Variants in EYA3 observed in about 807,000 individuals in gnomAD.
EYA3 encodes protein phosphatase EYA3.
In EYA3, 39 loss-of-function variants were observed where a neutral mutation model predicts 80.0. That is an observed-to-expected ratio of 0.49 (90% CI 0.38 to 0.64). The LOEUF is 0.64. Among genes scored for constraint, EYA3 ranks in the 30% least tolerant of loss-of-function variants. The pLI is 0.00. For synonymous variants in EYA3, 206 were observed against 232.8 expected (o/e 0.88, Z 1.05); for missense variants, 523 against 676.1 (o/e 0.77, Z 2.51).
chr1:27,977,538 A>C (rs533713585), intron 17 of EYA3: 2 of 832,232 alleles, frequency 2.4e-6, no homozygotes, highest in Non-Finnish European at 3.6e-6. Context: ...TCTTTCATCT[A>C]TTGTTTCCTA....
At chr1:28,083,000 C>A (rs1645486440) in intron 1 of EYA3, among the ~76,000 whole-genome samples, 1 of 152,146 alleles carries the variant, frequency 6.6e-6, no homozygotes, top group African/African-American at 2.4e-5. Flanking sequence ...CCTTAAGGTT[C>A]CTAACCAAAA....
intron 6 of EYA3, among the ~76,000 whole-genome samples, chr1:28,032,415 G>T (rs554748717): frequency 2.9e-4 from 44 of 152,096 alleles, no homozygotes; most frequent in African/African-American, 1.0e-3. Context: ...GAGTATGTTG[G>T]TCAGCACATT....
intron 10 of EYA3, among the ~76,000 whole-genome samples, chr1:28,007,220 G>A (rs1034953419): frequency 4.6e-5 from 7 of 151,830 alleles, no homozygotes; most frequent in Non-Finnish European, 5.9e-5. Context: ...GATTAGAGGC[G>A]TGAGCCACTG....
intron 11 of EYA3, among the ~76,000 whole-genome samples, chr1:28,001,436 T>C (rs900082814): frequency 2.7e-5 from 4 of 150,246 alleles, no homozygotes; most frequent in Non-Finnish European, 1.5e-5. Flanking sequence ...AATAATATTA[T>C]GTGTATATGT....
intron 8 of EYA3, among the ~76,000 whole-genome samples, 165 bp downstream of exon 8, chr1:28,016,988 AC>A (rs1642110330): frequency 1.3e-5 from 2 of 152,336 alleles, no homozygotes; most frequent in Admixed American, 6.5e-5. Context: ...CTAGACAGTA[AC>A]CTAAGATGCC....
At chr1:27,978,564 G>A in intron 16 of EYA3, 90 bp from the exon 17 acceptor site, 1 of 1,047,208 alleles carries the variant, frequency 9.5e-7, no homozygotes, top group Admixed American at 1.9e-5. Context: ...ACCTGCCTGT[G>A]CTTAGGTGGA....
chr1:28,019,150 A>AGC (rs1252478854), intron 7 of EYA3, among the ~76,000 whole-genome samples: 1 of 152,292 alleles, frequency 6.6e-6, no homozygotes, highest in Admixed American at 6.5e-5. Context: ...TGGGCGACAG[A>AGC]GTGACTCAGT....
intron 1 of EYA3, among the ~76,000 whole-genome samples, chr1:28,064,058 A>G (rs1644739117): frequency 6.6e-6 from 1 of 152,232 alleles, no homozygotes; most frequent in African/African-American, 2.4e-5. Context: ...AGAAAGCCAA[A>G]TAGTGTCAAC....
At chr1:27,995,200 T>C (rs1057141517) in intron 13 of EYA3, among the ~76,000 whole-genome samples, 27 of 150,168 alleles carry the variant, frequency 1.8e-4, no homozygotes, top group Non-Finnish European at 3.6e-4. Flanking sequence ...GGTCCAGGAG[T>C]TCGAGACCAG....
In EYA3 at chr1:27,973,056, C is replaced by CA. The variant is rs974916978; in HGVS notation, c.*1409dup. 3.9e-5 allele frequency: 6 copies of CA among 152,220 alleles called. No homozygotes were observed. Among genetic ancestry groups the CA allele is most frequent in the African/African-American group, 1.4e-4 (6 of 41,456 alleles). The allele number at this position is 152,220 out of a possible 1,614,324, so 9.4% of individuals were successfully genotyped here. ...AACCTGTCTGTTTCTCCCTTCCCCCCACAATCAGCAAAGTCTTTCTGGTTT... is the reference window on the plus strand; with the variant it reads ...AACCTGTCTGTTTCTCCCTTCCCCCCAACAATCAGCAAAGTCTTTCTGGTTT... On this transcript the variant is annotated 3_prime_UTR_variant, in exon 18 of 18. Coordinates refer to ENST00000373871, the MANE Select transcript of EYA3 (RefSeq NM_001990.4).
intron 6 of EYA3, among the ~76,000 whole-genome samples, chr1:28,029,163 C>T (rs1056888280): frequency 6.6e-6 from 1 of 152,146 alleles, no homozygotes; most frequent in African/African-American, 2.4e-5. Flanking sequence ...TCATAATGCT[C>T]CTGAGTAACA....
intron 17 of EYA3, among the ~76,000 whole-genome samples, chr1:27,976,532 G>T (rs1324173446): frequency 2.6e-5 from 4 of 152,148 alleles, no homozygotes; most frequent in African/African-American, 4.8e-5. Context: ...CTCAGTGGAA[G>T]GGGGAACACC....
chr1:28,082,133 C>A (rs1377474016), intron 1 of EYA3, among the ~76,000 whole-genome samples: 1 of 152,074 alleles, frequency 6.6e-6, no homozygotes, highest in Non-Finnish European at 1.5e-5. Context: ...AAACAGTATA[C>A]TTAATGTCTC....
chr1:28,066,540 C>T (rs910550527), intron 1 of EYA3, among the ~76,000 whole-genome samples: 9 of 151,956 alleles, frequency 5.9e-5, no homozygotes, highest in Non-Finnish European at 1.2e-4. Context: ...TCCACATCAA[C>T]ATATGCTGTA....
intron 1 of EYA3, among the ~76,000 whole-genome samples, chr1:28,070,420 G>C (rs916095677): frequency 2.0e-5 from 3 of 152,044 alleles, no homozygotes; most frequent in African/African-American, 7.2e-5. Flanking sequence ...AAATTAGCCA[G>C]GCGTGGTGGT....
At chr1:28,015,014 T>A (rs996036243) in intron 8 of EYA3, among the ~76,000 whole-genome samples, 2 of 152,216 alleles carry the variant, frequency 1.3e-5, no homozygotes, top group South Asian at 4.1e-4. Flanking sequence ...TATAATTATA[T>A]GTATGTGTGT....
At chr1:28,021,525 C>T (rs1031555776) in intron 7 of EYA3, among the ~76,000 whole-genome samples, 1 of 152,120 alleles carries the variant, frequency 6.6e-6, no homozygotes, top group Non-Finnish European at 1.5e-5. Flanking sequence ...ACCTGACATA[C>T]AGCAGGTGAT....
intron 1 of EYA3, among the ~76,000 whole-genome samples, chr1:28,070,384 A>AC (rs901326230): frequency 6.2e-4 from 94 of 151,770 alleles, no homozygotes; most frequent in African/African-American, 2.1e-3. Context: ...ACATGGTGAA[A>AC]CCCCCCGTCT....
At chr1:28,029,241 T>C (rs1158350375) in intron 6 of EYA3, among the ~76,000 whole-genome samples, 2 of 152,226 alleles carry the variant, frequency 1.3e-5, no homozygotes, top group African/African-American at 4.8e-5. Flanking sequence ...CACATACCTT[T>C]AGATTTTCTC....
Sources: gnomAD v4.1 joint callset for allele counts (sites outside exome capture counted in the v4.1 genomes callset) on GRCh38, gnomAD v4.1.1 for gene constraint, MANE v1.5 for transcripts, NCBI Gene and HGNC (gene_info 2026-07-23, HGNC 2026-07-21) for gene names.